Variants in MACROD2 observed in about 807,000 individuals in gnomAD.
MACROD2 encodes ADP-ribose glycohydrolase MACROD2.
Under a neutral mutation model 70.4 loss-of-function variants are expected in MACROD2, and 36 were observed. That is an observed-to-expected ratio of 0.51 (90% CI 0.39 to 0.68). The LOEUF is 0.68. Ranked by LOEUF, MACROD2 falls within the 30% of genes least tolerant of loss-of-function variation. The pLI is 0.00. For missense variants in MACROD2, 496 were observed against 538.4 expected, an observed-to-expected ratio of 0.92 and a Z score of 0.78; for synonymous variants, 172 against 178.8, an observed-to-expected ratio of 0.96 and a Z score of 0.30.
At chr20:15,241,500 C>A (rs867729427) in intron 6 of MACROD2, among the ~76,000 whole-genome samples, 1 of 152,064 alleles carries the variant, frequency 6.6e-6, no homozygotes. Context: ...AGAGATCCAG[C>A]AAGTGGCAAT....
In MACROD2 at chr20:15,981,674, T is replaced by G. The variant is rs139096624; in HGVS notation, c.986-5053T>G. ...GGCACATTTAGTTCATCCTAGAAAGTCTGAAATACTGGTTCTGGAGAGCGT... is the reference window on the plus strand; with the variant it reads ...GGCACATTTAGTTCATCCTAGAAAGGCTGAAATACTGGTTCTGGAGAGCGT... On this transcript the variant is annotated intron_variant, in intron 13 of 17. Coordinates refer to ENST00000684519, the MANE Select transcript of MACROD2 (RefSeq NM_001351661.2). Among the ~76,000 whole-genome samples the G allele has an allele frequency of 1.6e-4, 24 of 152,336 alleles. No homozygotes were observed. The East Asian group carries it at 2.9e-3, about 18-fold the overall frequency.
rs571762779 is a variant in MACROD2 at position 15,911,961 on chromosome 20, G to A, written c.776-21315G>A. On this transcript the variant is annotated intron_variant, in intron 10 of 17. Transcript: ENST00000684519. ...GCAGAGGTTGCAGTGAGCCGAGATC[G>A]TGCCATTGCACTCCAGCCCGGGCAA... 2.1e-3 allele frequency among the ~76,000 whole-genome samples: 324 copies of A among 152,306 alleles called. 4 individuals carry two copies. Among genetic ancestry groups the A allele is most frequent in the African/African-American group, 7.3e-3 (302 of 41,560 alleles).
intron 10 of MACROD2, among the ~76,000 whole-genome samples, chr20:15,895,458 G>A (rs2064956177): frequency 2.0e-5 from 3 of 152,232 alleles, no homozygotes; most frequent in Admixed American, 6.5e-5. Context: ...GCTGGGCAAG[G>A]AGTGAGAAAG....
chr20:14,943,717 G>A (rs1308920365), intron 5 of MACROD2, among the ~76,000 whole-genome samples: 1 of 152,084 alleles, frequency 6.6e-6, no homozygotes, highest in Non-Finnish European at 1.5e-5. Context: ...TCTTCATGGA[G>A]GATTAACATT....
In MACROD2 at chr20:14,309,152, A is replaced by G. The variant is rs73901229; in HGVS notation, c.272-184327A>G. 1.5e-3 allele frequency among the ~76,000 whole-genome samples: 231 copies of G among 152,266 alleles called. 1 individual carries two copies. The highest frequency in any genetic ancestry group is 4.4e-3 in the Admixed American group (67 of 15,288). ...TGGCACGTGGAATTTCAGCTCTTTT[A>G]TAATTTATTTCTTACATTATTTTTT... On this transcript the variant is annotated intron_variant, in intron 3 of 17. Coordinates refer to ENST00000684519, the MANE Select transcript of MACROD2 (RefSeq NM_001351661.2).
intron 8 of MACROD2, among the ~76,000 whole-genome samples, chr20:15,588,967 T>C (rs2146664072): frequency 6.6e-6 from 1 of 152,312 alleles, no homozygotes; most frequent in Middle Eastern, 3.4e-3. Context: ...CCCACTCTAC[T>C]AGTTCCAATT....
At chr20:15,153,353 G>A (rs2076285067) in intron 5 of MACROD2, among the ~76,000 whole-genome samples, 1 of 152,066 alleles carries the variant, frequency 6.6e-6, no homozygotes, top group African/African-American at 2.4e-5. Flanking sequence ...GTCACAAGGT[G>A]CTCAGTAGGG....
At chr20:15,597,464 T>G (rs1199601113) in intron 8 of MACROD2, among the ~76,000 whole-genome samples, 1 of 152,178 alleles carries the variant, frequency 6.6e-6, no homozygotes, top group Non-Finnish European at 1.5e-5. Flanking sequence ...TTGGATTCTG[T>G]CCAGTAGGGC....
chr20:15,991,934 G>T (rs1408640663), intron 15 of MACROD2, among the ~76,000 whole-genome samples: 1 of 152,040 alleles, frequency 6.6e-6, no homozygotes, highest in Non-Finnish European at 1.5e-5. Flanking sequence ...AAATTATAAA[G>T]TTTTAAGCTA....
At chr20:15,051,337 GATGTGTGT>G (rs1052931467) in intron 5 of MACROD2, among the ~76,000 whole-genome samples, 1 of 136,410 alleles carries the variant, frequency 7.3e-6, no homozygotes, top group Non-Finnish European at 1.6e-5. Flanking sequence ...ATCAGTAGGA[GATGTGTGT>G]GTGTGTGTGT....
intron 6 of MACROD2, among the ~76,000 whole-genome samples, chr20:15,292,785 A>T (rs1413499939): frequency 6.6e-6 from 1 of 152,218 alleles, no homozygotes; most frequent in Non-Finnish European, 1.5e-5. Flanking sequence ...ATACTAATTT[A>T]TATAATGACT....
chr20:14,700,021 C>G (rs1568745672), intron 5 of MACROD2, among the ~76,000 whole-genome samples: 3 of 149,242 alleles, frequency 2.0e-5, no homozygotes, highest in African/African-American at 7.6e-5. Context: ...AAGTTTAAAT[C>G]TAGAAGTTTA....
intron 3 of MACROD2, among the ~76,000 whole-genome samples, chr20:14,381,188 C>G (rs2208452): frequency 6.6e-6 from 1 of 151,906 alleles, no homozygotes; most frequent in Non-Finnish European, 1.5e-5. Flanking sequence ...AAAAATCTTA[C>G]CTAATATGAA....
chr20:15,689,643 T>C (rs74481271), intron 8 of MACROD2, among the ~76,000 whole-genome samples: 192 of 152,240 alleles, frequency 1.3e-3, no homozygotes, highest in East Asian at 6.0e-3. Flanking sequence ...AAAGACTACA[T>C]GGGAGGCAGC....
chr20:15,250,878 A>G (rs1481296265), intron 6 of MACROD2, among the ~76,000 whole-genome samples: 2 of 152,252 alleles, frequency 1.3e-5, no homozygotes, highest in African/African-American at 4.8e-5. Flanking sequence ...ATAATTGAGT[A>G]TATTGCCTAA....
intron 5 of MACROD2, among the ~76,000 whole-genome samples, chr20:14,753,973 C>T (rs1325955741): frequency 6.6e-6 from 1 of 151,958 alleles, no homozygotes; most frequent in African/African-American, 2.4e-5. Flanking sequence ...AGTGTTCAGT[C>T]TCTGGGGTTT....
At chr20:14,374,002 T>A (rs1369102253) in intron 3 of MACROD2, among the ~76,000 whole-genome samples, 1 of 152,186 alleles carries the variant, frequency 6.6e-6, no homozygotes, top group Non-Finnish European at 1.5e-5. Flanking sequence ...TATCATCTTA[T>A]CACTTTATCT....
At position 15,687,135 on chromosome 20, in the gene MACROD2, G is replaced by C. The variant is rs2050238172; in HGVS notation, c.646-175610G>C. Among the ~76,000 whole-genome samples, 5 of 151,046 alleles carry C rather than the reference G, an allele frequency of 3.3e-5. No individual in the cohort carries two copies. In the South Asian group the frequency reaches 1.0e-3, roughly 31 times the overall value. The stretch of plus-strand genomic sequence containing the variant: ...TTGCTCCTCTTAGTCTTCTCTCTGG[G>C]ACTCCAGCCCAGGGAGCAGCTCTAT... On this transcript the variant is annotated intron_variant, in intron 8 of 17. Coordinates refer to ENST00000684519, the MANE Select transcript of MACROD2 (RefSeq NM_001351661.2).
At chr20:15,929,647 C>T (rs1289993173) in intron 10 of MACROD2, among the ~76,000 whole-genome samples, 2 of 152,146 alleles carry the variant, frequency 1.3e-5, no homozygotes, top group African/African-American at 2.4e-5. Flanking sequence ...TTTAGACTTA[C>T]GTCTTGTTTA....
Sources: allele counts gnomAD v4.1 joint callset (sites outside exome capture counted in the v4.1 genomes callset), GRCh38; gene constraint gnomAD v4.1.1; transcripts MANE v1.5; gene names NCBI Gene and HGNC (gene_info 2026-07-23, HGNC 2026-07-21).